WNT10A: variants seen among roughly 807,000 people sequenced by gnomAD.
WNT10A encodes Wnt family member 10A, also known as protein Wnt-10a.
In WNT10A, 37 loss-of-function variants were observed where a neutral mutation model predicts 36.1. That is an observed-to-expected ratio of 1.02 (90% CI 0.79 to 1.35). The LOEUF is 1.35. Ranked by LOEUF, WNT10A falls within the 40% of genes most tolerant of loss-of-function variation. The pLI is 0.00. For missense variants in WNT10A, 613 were observed against 601.4 expected (o/e 1.02, Z -0.20); for synonymous variants, 255 against 254.1 (o/e 1.00, Z -0.03).
intron 2 of WNT10A, chr2:218,883,782 G>T (rs909408430): frequency 7.0e-6 from 1 of 143,502 alleles, no homozygotes; most frequent in African/African-American, 2.5e-5. Context: ...GTCCAGAAGC[G>T]GCTGCCCGGG....
chr2:218,874,829 T>C, the WNT10A span, among the ~76,000 whole-genome samples: 2 of 152,234 alleles, frequency 1.3e-5, no homozygotes, highest in South Asian at 2.1e-4. Context: ...ATTTTCTTTA[T>C]ACAAAGGGAT....
At position 218,892,831 on chromosome 2, in the gene WNT10A, C is replaced by T. The variant is rs773036759; in HGVS notation, c.814C>T (p.Gln272Ter). 2 of 1,596,258 alleles carry T rather than the reference C, an allele frequency of 1.3e-6. No homozygotes were observed. The highest frequency in any genetic ancestry group is 1.1e-5 in the South Asian group (1 of 88,292). Residue 272 changes from glutamine (Q) to a stop codon, truncating the protein, a stop_gained, in exon 4 of 4, where the codon CAG becomes TAG. Transcript: ENST00000258411. LOFTEE classifies it high-confidence loss of function. ...CKCHGTSGSC[Q>*]LKTCWQVTPE... ...GTGCCACGGCACGTCAGGCAGCTGC[C>T]AGCTCAAGACGTGCTGGCAGGTGAC...
At chr2:218,884,607 A>G (rs1944558869) in intron 2 of WNT10A, among the ~76,000 whole-genome samples, 1 of 151,930 alleles carries the variant, frequency 6.6e-6, no homozygotes. Context: ...AAATCTGCCA[A>G]TCCTCTCCTC....
At chr2:218,891,047 C>G (rs1477439296) in intron 3 of WNT10A, among the ~76,000 whole-genome samples, 1 of 152,222 alleles carries the variant, frequency 6.6e-6, no homozygotes, top group Non-Finnish European at 1.5e-5. Flanking sequence ...TAGGCACTGT[C>G]TTGAGCACTT....
At chr2:218,876,155 A>T (rs983690081), upstream of WNT10A, among the ~76,000 whole-genome samples, 1 of 151,818 alleles carries the variant, frequency 6.6e-6, no homozygotes, top group South Asian at 2.1e-4. Context: ...TGACTTTCCC[A>T]GTTGTCTCCA....
upstream of WNT10A, among the ~76,000 whole-genome samples, chr2:218,876,097 T>A (rs1332101164): frequency 6.6e-6 from 1 of 152,170 alleles, no homozygotes; most frequent in Non-Finnish European, 1.5e-5. Context: ...CCTGCAGACT[T>A]TCTCCATGAC....
chr2:218,882,563 C>G, intron 2 of WNT10A, 140 bp downstream of exon 2: 1 of 1,169,278 alleles, frequency 8.6e-7, no homozygotes, highest in Non-Finnish European at 1.2e-6. Context: ...CTGCTGCTCT[C>G]CTTCCTCTTT....
chr2:218,890,281 C>T lies in WNT10A; in HGVS notation c.674C>T (p.Ser225Phe). 3 of 1,609,954 alleles carry T rather than the reference C, an allele frequency of 1.9e-6. No homozygotes were observed. Among genetic ancestry groups the T allele is most frequent in the Non-Finnish European group, 2.5e-6 (3 of 1,179,974 alleles). ...GACATGGGCTTCGGGGAGCGCTTTT[C>T]TAAGGACTTTCTGGACTCCCGGGAG... ...SPDMGFGERF[S>F]KDFLDSREPH... is the part of the protein sequence containing the mutation. Residue 225 changes from serine to phenylalanine, a missense_variant, in exon 3 of 4, where the codon TCT (serine) becomes TTT (phenylalanine). Physicochemically the swap from Ser to Phe is radical, Grantham distance 155 (BLOSUM62 -2). Transcript: ENST00000258411.
intron 2 of WNT10A, 93 bp from the exon 3 acceptor site, chr2:218,889,891 T>C: frequency 4.4e-6 from 7 of 1,594,876 alleles, no homozygotes; most frequent in Non-Finnish European, 6.0e-6. Flanking sequence ...ATACTGGGCT[T>C]CAGTTTCTCC....
upstream of WNT10A, chr2:218,880,775 C>G: frequency 2.0e-6 from 1 of 491,042 alleles, no homozygotes; most frequent in Non-Finnish European, 3.5e-6. This position sits in a 1 kb window ranked among gnomAD's most constrained non-coding sequence, Gnocchi z 7.7. Flanking sequence ...GTGCCCGGTT[C>G]GCCCGCTCTT....
intron 2 of WNT10A, among the ~76,000 whole-genome samples, chr2:218,886,938 G>T (rs1275497234): frequency 6.6e-6 from 1 of 152,222 alleles, no homozygotes. Context: ...TGGGGTAGGG[G>T]TGTTCTCTGC....
Position 218,893,344 on chromosome 2 carries a change from G to T in WNT10A, c.*73G>T. On this transcript the variant is annotated 3_prime_UTR_variant, in exon 4 of 4. Transcript: ENST00000258411. This position sits in a 1 kb window ranked among gnomAD's most constrained non-coding sequence, Gnocchi z 6.3. Reference sequence around the variant, plus strand: ...TGGCCCTCTGAGGCTTACGGTCTTGGCAAGGCAGCATCGCCTTGGCTCTTG... The same window carrying T: ...TGGCCCTCTGAGGCTTACGGTCTTGTCAAGGCAGCATCGCCTTGGCTCTTG... 1 of 1,484,296 alleles carries T rather than the reference G, an allele frequency of 6.7e-7. No individual in the cohort carries two copies. Among genetic ancestry groups the T allele is most frequent in the Non-Finnish European group, 8.9e-7 (1 of 1,118,728 alleles). 91.9% of individuals were successfully genotyped at this position (1,484,296 alleles called of 1,614,324 possible).
At chr2:218,875,683 C>T in the WNT10A span, among the ~76,000 whole-genome samples, 2 of 152,186 alleles carry the variant, frequency 1.3e-5, no homozygotes, top group African/African-American at 4.8e-5. Flanking sequence ...AAATAATTTG[C>T]AGCCATCATA....
At chr2:218,879,142 A>C (rs924835937), upstream of WNT10A, among the ~76,000 whole-genome samples, 2 of 132,968 alleles carry the variant, frequency 1.5e-5, no homozygotes, top group African/African-American at 2.8e-5. Context: ...GGCTGCCGGC[A>C]GAGATGAGGG....
At chr2:218,892,340 C>G (rs938022021) in intron 3 of WNT10A, among the ~76,000 whole-genome samples, 1 of 151,300 alleles carries the variant, frequency 6.6e-6, no homozygotes, top group Admixed American at 6.6e-5. Flanking sequence ...CACACACACA[C>G]ACACACACAC....
chr2:218,881,435 G>C (rs1443739445), intron 1 of WNT10A, among the ~76,000 whole-genome samples: 2 of 152,126 alleles, frequency 1.3e-5, no homozygotes, highest in Non-Finnish European at 2.9e-5. Flanking sequence ...GTAAGCACAA[G>C]CTGCCTCACT....
At position 218,890,013 on chromosome 2, in the gene WNT10A, A is replaced by G. The variant is rs755217072; in HGVS notation, c.406A>G (p.Ile136Val). The G allele has an allele frequency of 1.2e-6, 2 of 1,613,592 alleles. No individual in the cohort carries two copies. Among genetic ancestry groups the G allele is most frequent in the South Asian group, 2.2e-5 (2 of 91,058 alleles). ...GFRESAFAYAIAAAGVVHAVS... is the reference protein window; with the variant it reads ...GFRESAFAYAVAAAGVVHAVS... ...CCGAGAGAGCGCTTTTGCCTACGCC[A>G]TCGCAGCAGCTGGCGTGGTGCACGC... Residue 136 changes from isoleucine (I) to valine (V), a missense_variant, in exon 3 of 4, where the codon ATC (isoleucine) becomes GTC (valine). Physicochemically the swap from Ile to Val is conservative, Grantham distance 29. Coordinates refer to ENST00000258411, the MANE Select transcript of WNT10A (RefSeq NM_025216.3).
At chr2:218,890,484 C>A in intron 3 of WNT10A, 121 bp downstream of exon 3, 1 of 1,404,212 alleles carries the variant, frequency 7.1e-7, no homozygotes, top group Non-Finnish European at 9.8e-7. Flanking sequence ...GCAATCTTCT[C>A]GTTGACCCTG....
chr2:218,890,447 C>A, intron 3 of WNT10A, 84 bp downstream of exon 3: 1 of 1,578,538 alleles, frequency 6.3e-7, no homozygotes, highest in Non-Finnish European at 8.6e-7. Flanking sequence ...TTCTGAGGAC[C>A]ACGTTGCTCC....
Sources: gnomAD v4.1 joint callset for allele counts (sites outside exome capture counted in the v4.1 genomes callset) on GRCh38, gnomAD v4.1.1 for gene constraint, Gnocchi (gnomAD v3.1) non-coding constraint, MANE v1.5 for transcripts, NCBI Gene and HGNC (gene_info 2026-07-23, HGNC 2026-07-21) for gene names.